Variants in MED13 observed in about 807,000 individuals in gnomAD.
MED13 encodes the protein mediator of RNA polymerase II transcription subunit 13.
MED13 carries 23 observed loss-of-function variants against 225.2 expected under a neutral mutation model. The ratio of observed to expected loss-of-function variants is 0.10; its 90% CI spans 0.07 to 0.14. The LOEUF (loss-of-function observed/expected upper bound fraction) is 0.14. Among genes scored for constraint, MED13 ranks in the 10% least tolerant of loss-of-function variants. The pLI is 1.00. For missense variants in MED13, 2,197 were observed against 2,594.5 expected (o/e 0.85, Z 3.33); for synonymous variants, 942 against 889.2 (o/e 1.06, Z -1.06).
chr17:61,991,744 G>A (rs1047199146), intron 11 of MED13, among the ~76,000 whole-genome samples: 5 of 152,040 alleles, frequency 3.3e-5, no homozygotes, highest in Admixed American at 6.6e-5. Context: ...TCTTGACCTC[G>A]TGATCCGCCC....
chr17:62,061,620 A>G (rs545017010), intron 2 of MED13, among the ~76,000 whole-genome samples: 1 of 152,298 alleles, frequency 6.6e-6, no homozygotes, highest in South Asian at 2.1e-4. Context: ...TAGTAAGGTG[A>G]TTTTTATGAC....
Position 61,966,483 on chromosome 17 carries a change from G to T in MED13, c.4360C>A (p.Gln1454Lys), listed in dbSNP as rs777688484. The T allele has an allele frequency of 1.9e-6, 3 of 1,612,944 alleles. No homozygotes were observed. The highest frequency in any genetic ancestry group is 1.3e-5 in the African/African-American group (1 of 74,978). Reference protein sequence around the residue: ...EAFSKLKLYAQVCRYDLGPYL... With the variant: ...EAFSKLKLYAKVCRYDLGPYL... ...ATACCTAGGTCATATCTGCAGACTT[G>T]TGCATAAAGCTTGAGTTTAGAAAAT... The change falls in exon 19 of 30, where the codon CAA becomes AAA. Residue 1454 changes from glutamine to lysine, a missense_variant. Around this residue, in one of 12 missense-constraint regions of MED13, gnomAD observed 457 missense variants for 442.2 expected, o/e 1.03. Transcript: ENST00000397786.
intron 3 of MED13, among the ~76,000 whole-genome samples, chr17:62,046,286 G>C (rs989715423): frequency 1.3e-5 from 2 of 152,190 alleles, no homozygotes; most frequent in African/African-American, 4.8e-5. Context: ...GAAGGAAAAA[G>C]GGTAAGAAAG....
rs982257437 is a variant in MED13 at position 62,033,884 on chromosome 17, G to C, written c.717C>G (p.Phe239Leu). 3.1e-6 allele frequency: 5 copies of C among 1,613,880 alleles called. No homozygotes were observed. The highest frequency in any genetic ancestry group is 3.4e-6 in the Non-Finnish European group (4 of 1,179,970). ...CCTTCAAGCAACATGAGATAGGATA[G>C]AACTGTTTCCATTCACCAATTAATT... ...TKKLIGEWKQ[F>L]YPISCCLKEM... is the part of the protein sequence containing the mutation. The change falls in exon 5 of 30, where the codon TTC becomes TTG. Residue 239 changes from phenylalanine to leucine, a missense_variant. Coordinates refer to ENST00000397786, the MANE Select transcript of MED13 (RefSeq NM_005121.3).
At chr17:62,016,783 CG>C (rs1452999469) in intron 8 of MED13, among the ~76,000 whole-genome samples, 1 of 152,060 alleles carries the variant, frequency 6.6e-6, no homozygotes, top group Admixed American at 6.6e-5. Flanking sequence ...CCAAGGCGGA[CG>C]GAACACCTGA....
At chr17:62,018,283 T>A (rs750106109) in intron 8 of MED13, among the ~76,000 whole-genome samples, 1 of 152,166 alleles carries the variant, frequency 6.6e-6, no homozygotes, top group Non-Finnish European at 1.5e-5. Flanking sequence ...AGATGAAAAA[T>A]ATTATTTTTC....
At chr17:62,012,684 G>A (rs1181062123) in intron 8 of MED13, among the ~76,000 whole-genome samples, 1 of 151,946 alleles carries the variant, frequency 6.6e-6, no homozygotes, top group Non-Finnish European at 1.5e-5. Context: ...GTATTCATTA[G>A]GTTTTACTTT....
chr17:62,041,183 C>T (rs765448342), intron 3 of MED13, among the ~76,000 whole-genome samples: 1 of 152,150 alleles, frequency 6.6e-6, no homozygotes, highest in East Asian at 1.9e-4. Context: ...ATACATACAA[C>T]GGAATACTAT....
chr17:62,017,191 A>G (rs1383431003), intron 8 of MED13, among the ~76,000 whole-genome samples: 3 of 150,770 alleles, frequency 2.0e-5, no homozygotes, highest in Admixed American at 2.0e-4. Flanking sequence ...GAAGTTTCTA[A>G]TAACAAAACA....
chr17:62,035,187 G>GA (rs1344936532), intron 4 of MED13, among the ~76,000 whole-genome samples: 1 of 151,948 alleles, frequency 6.6e-6, no homozygotes, highest in Admixed American at 6.6e-5. Context: ...AGATAACCTT[G>GA]AAAACATTAA....
In MED13 at chr17:62,065,276, G is replaced by C. The variant is rs915931817; in HGVS notation, c.-71C>G. Reference sequence around the variant, plus strand: ...CATTACCGCCGCCTCCGACCAGAGAGAGAAACACAGACACCGGGGAGGGCC... The same window carrying C: ...CATTACCGCCGCCTCCGACCAGAGACAGAAACACAGACACCGGGGAGGGCC... On this transcript the variant is annotated 5_prime_UTR_variant, in exon 1 of 30. Coordinates refer to ENST00000397786, the MANE Select transcript of MED13 (RefSeq NM_005121.3). 4.6e-6 allele frequency: 3 copies of C among 657,792 alleles called. No individual in the cohort carries two copies. Among genetic ancestry groups the C allele is most frequent in the African/African-American group, 3.9e-5 (2 of 51,082 alleles). 40.7% of individuals were successfully genotyped at this position (657,792 alleles called of 1,614,324 possible).
chr17:61,992,702 TCAGGCATC>T lies in MED13; in HGVS notation c.2182-89_2182-82del. ...CTACCAATTATTGAGGAGCTGTGTG[TCAGGCATC>T]CAGCTAAGTGTTTAACATACATTAT... On this transcript the variant is annotated intron_variant, in intron 10 of 29. Coordinates refer to ENST00000397786, the MANE Select transcript of MED13 (RefSeq NM_005121.3). 3 of 924,920 alleles carry T rather than the reference TCAGGCATC, an allele frequency of 3.2e-6. No individual in the cohort carries two copies. In the South Asian group the frequency reaches 4.2e-5, roughly 13 times the overall value. 57.3% of individuals were successfully genotyped at this position (924,920 alleles called of 1,614,324 possible).
rs756966851 is a variant in MED13, at chr17:61,955,573, A to T, written c.5783-6T>A. The T allele has an allele frequency of 1.3e-6, 2 of 1,548,872 alleles. No homozygotes were observed. Among genetic ancestry groups the T allele is most frequent in the Non-Finnish European group, 1.7e-6 (2 of 1,154,328 alleles). On this transcript the variant is annotated splice_region_variant and splice_polypyrimidine_tract_variant and intron_variant, in intron 25 of 29. Coordinates refer to ENST00000397786, the MANE Select transcript of MED13 (RefSeq NM_005121.3). ...AGAACCAGTTGACACAGAATCTGAA[A>T]ATGAAAGACATTTTTTCTTTTAATA...
intron 23 of MED13, among the ~76,000 whole-genome samples, chr17:61,957,335 G>A (rs1037796471): frequency 4.0e-5 from 6 of 150,614 alleles, no homozygotes; most frequent in African/African-American, 1.5e-4. Flanking sequence ...GAGCCACTGC[G>A]CCTGGCCCAG....
At chr17:62,037,981 A>C (rs1377974189) in intron 3 of MED13, among the ~76,000 whole-genome samples, 1 of 147,564 alleles carries the variant, frequency 6.8e-6, no homozygotes, top group Non-Finnish European at 1.5e-5. Context: ...AAAAAAAAAA[A>C]AAAAGACACA....
At chr17:61,960,566 C>T (rs1320583905) in intron 23 of MED13, among the ~76,000 whole-genome samples, 3 of 152,164 alleles carry the variant, frequency 2.0e-5, no homozygotes, top group Non-Finnish European at 2.9e-5. Context: ...AGATACTTTA[C>T]TAGACCATTT....
chr17:62,027,700 A>G (rs915733748), intron 8 of MED13, among the ~76,000 whole-genome samples: 11 of 152,198 alleles, frequency 7.2e-5, no homozygotes, highest in Admixed American at 5.9e-4. Context: ...TCTAATATCC[A>G]GTATCTAAAA....
Position 61,982,921 on chromosome 17 carries a change from C to T in MED13, c.3082G>A (p.Ala1028Thr). 1 of 1,614,084 alleles carries T rather than the reference C, an allele frequency of 6.2e-7. No individual in the cohort carries two copies. The highest frequency in any genetic ancestry group is 1.1e-5 in the South Asian group (1 of 91,070). ...PRTPRGAGGPASAQGSVKYEN... is the reference protein window; with the variant it reads ...PRTPRGAGGPTSAQGSVKYEN... ...TATTTGACTGAACCTTGAGCACTAG[C>T]AGGTCCACCAGCTCCACGAGGAGTC... The change falls in exon 16 of 30, where the codon GCT (alanine) becomes ACT (threonine). Residue 1028 changes from alanine (A) to threonine (T), a missense_variant. Transcript: ENST00000397786.
intron 2 of MED13, among the ~76,000 whole-genome samples, chr17:62,061,439 A>C (rs1018698806): frequency 1.3e-5 from 2 of 152,222 alleles, no homozygotes; most frequent in Non-Finnish European, 2.9e-5. Context: ...ATTTCATGGA[A>C]TCTTAAAAAA....
Sources: gnomAD v4.1 joint callset for allele counts (sites outside exome capture counted in the v4.1 genomes callset) on GRCh38, gnomAD v4.1.1 for gene constraint, gnomAD v4.1.1 regional missense constraint, MANE v1.5 for transcripts, NCBI Gene and HGNC (gene_info 2026-07-23, HGNC 2026-07-21) for gene names.